Variants in ADAM20 observed in about 807,000 individuals in gnomAD.
The protein encoded by ADAM20 is ADAM metallopeptidase domain 20.
For missense variants in ADAM20, 871 were observed against 883.2 expected, an observed-to-expected ratio of 0.99 and a Z score of 0.18; for synonymous variants, 305 against 310.2, an observed-to-expected ratio of 0.98 and a Z score of 0.18.
At chr14:70,569,898 A>C in the ADAM20 span, among the ~76,000 whole-genome samples, 6 of 137,842 alleles carry the variant, frequency 4.4e-5, no homozygotes, top group South Asian at 1.1e-3. Flanking sequence ...AAAAAAAAAA[A>C]AAAAAAAAAA....
the ADAM20 span, among the ~76,000 whole-genome samples, chr14:70,575,255 C>T: frequency 1.3e-5 from 2 of 151,998 alleles, no homozygotes; most frequent in East Asian, 3.9e-4. Flanking sequence ...AATGCAGTGA[C>T]GTGATCTCAG....
the ADAM20 span, among the ~76,000 whole-genome samples, chr14:70,555,657 G>A: frequency 1.3e-5 from 2 of 152,262 alleles, no homozygotes; most frequent in Admixed American, 6.5e-5. Context: ...ACATTAAGGC[G>A]TGAACCAGCC....
the ADAM20 span, among the ~76,000 whole-genome samples, chr14:70,578,695 T>C: frequency 6.6e-6 from 1 of 152,252 alleles, no homozygotes; most frequent in South Asian, 2.1e-4. Context: ...AACAGATGCC[T>C]GTTTTTTAAA....
chr14:70,533,475 CCATT>C (rs1883758714), intron 1 of ADAM20, among the ~76,000 whole-genome samples: 1 of 152,064 alleles, frequency 6.6e-6, no homozygotes, highest in Non-Finnish European at 1.5e-5. Context: ...CTGGAAGCCA[CCATT>C]CTCAGCAAAC....
the ADAM20 span, among the ~76,000 whole-genome samples, chr14:70,544,460 A>G: frequency 6.6e-6 from 1 of 152,256 alleles, no homozygotes; most frequent in African/African-American, 2.4e-5. Context: ...TTAAACTTGT[A>G]GGATGCAGCT....
the ADAM20 span, among the ~76,000 whole-genome samples, chr14:70,557,843 G>A: frequency 1.8e-4 from 28 of 151,946 alleles, no homozygotes; most frequent in Non-Finnish European, 3.4e-4. Context: ...GTGTGACCCA[G>A]GGAAGCCAAA....
At chr14:70,525,615 C>T (rs1372651900) in intron 1 of ADAM20, among the ~76,000 whole-genome samples, 2 of 152,106 alleles carry the variant, frequency 1.3e-5, no homozygotes, top group Non-Finnish European at 2.9e-5. Context: ...AGTATATGGA[C>T]AACACATCCA....
At chr14:70,555,522 T>C in the ADAM20 span, among the ~76,000 whole-genome samples, 2 of 152,366 alleles carry the variant, frequency 1.3e-5, no homozygotes, top group African/African-American at 4.8e-5. Flanking sequence ...TTAGTCTTTC[T>C]TGGGAAACTC....
At chr14:70,556,795 A>C in the ADAM20 span, 1 of 152,230 alleles carries the variant, frequency 6.6e-6, no homozygotes, top group Admixed American at 6.5e-5. Flanking sequence ...CTGCAGGGCC[A>C]ACTACAGGAC....
At chr14:70,566,718 A>G in the ADAM20 span, among the ~76,000 whole-genome samples, 34 of 152,162 alleles carry the variant, frequency 2.2e-4, no homozygotes, top group African/African-American at 8.2e-4. Flanking sequence ...GGTGGCTCAC[A>G]CTTGTAATCA....
At chr14:70,579,082 A>G in the ADAM20 span, among the ~76,000 whole-genome samples, 5 of 151,762 alleles carry the variant, frequency 3.3e-5, no homozygotes, top group Non-Finnish European at 5.9e-5. Context: ...AATCCAATCC[A>G]CTCTTGATGG....
chr14:70,543,384 T>A, the ADAM20 span, among the ~76,000 whole-genome samples: 2 of 152,248 alleles, frequency 1.3e-5, no homozygotes, highest in African/African-American at 4.8e-5. Flanking sequence ...TTAATTATTA[T>A]CCTCATAGCA....
the ADAM20 span, among the ~76,000 whole-genome samples, chr14:70,555,082 T>C: frequency 0.011 from 1,637 of 152,304 alleles, 17 homozygotes; most frequent in African/African-American, 0.037. Context: ...ATATTTCCAG[T>C]TATAGCTGAA....
the ADAM20 span, among the ~76,000 whole-genome samples, chr14:70,547,014 C>T: frequency 1.3e-5 from 2 of 152,104 alleles, no homozygotes; most frequent in Non-Finnish European, 2.9e-5. Flanking sequence ...AAAAAGGAGA[C>T]ATCACAACTG....
At chr14:70,550,609 G>A in the ADAM20 span, among the ~76,000 whole-genome samples, 1 of 81,724 alleles carries the variant, frequency 1.2e-5, no homozygotes, top group African/African-American at 5.9e-5. Context: ...AAACCAGGAA[G>A]AAGTCGAATC....
the ADAM20 span, among the ~76,000 whole-genome samples, chr14:70,562,612 G>A: frequency 6.6e-6 from 1 of 152,196 alleles, no homozygotes; most frequent in African/African-American, 2.4e-5. Context: ...TCATAGGGCA[G>A]ATTCCTCCCT....
At chr14:70,528,166 A>C (rs1004908085) in intron 1 of ADAM20, among the ~76,000 whole-genome samples, 22 of 152,250 alleles carry the variant, frequency 1.4e-4, no homozygotes, top group African/African-American at 5.3e-4. Context: ...TTGGCTAAAG[A>C]AAGCTTAGTA....
the ADAM20 span, among the ~76,000 whole-genome samples, chr14:70,560,892 T>C: frequency 6.6e-6 from 1 of 152,224 alleles, no homozygotes; most frequent in African/African-American, 2.4e-5. Context: ...AAGTTCTTTA[T>C]AGCAGTGTGA....
In ADAM20 at chr14:70,523,831, A is replaced by G. The variant is rs774106457; in HGVS notation, c.927T>C (p.Gly309=). The G allele has an allele frequency of 6.2e-7, 1 of 1,614,050 alleles. No individual in the cohort carries two copies. Among genetic ancestry groups the G allele is most frequent in the Non-Finnish European group, 8.5e-7 (1 of 1,179,972 alleles). The change falls in exon 2 of 2, where the codon GGT becomes GGC. Residue 309 remains glycine, a synonymous_variant. Coordinates refer to ENST00000256389, the MANE Select transcript of ADAM20 (RefSeq NM_003814.5). The part of the protein sequence containing the change: ...FIKDTQGMKL[G]VAYVKGICQN... ...GGCATATTCCTTTAACATAGGCAAC[A>G]CCAAGCTTCATGCCTTGTGTGTCTT... is the stretch of plus-strand genomic sequence containing the variant.
Sources: allele counts gnomAD v4.1 joint callset (sites outside exome capture counted in the v4.1 genomes callset), GRCh38; gene constraint gnomAD v4.1.1; transcripts MANE v1.5; gene names NCBI Gene and HGNC (gene_info 2026-07-23, HGNC 2026-07-21).